Variants in ARHGEF9 observed in about 807,000 individuals in gnomAD.
ARHGEF9 encodes the protein rho guanine nucleotide exchange factor 9.
In ARHGEF9, 2 loss-of-function variants were observed where a neutral mutation model predicts 41.3. The observed-to-expected ratio is 0.05, with a 90% CI of 0.02 to 0.15. The LOEUF is 0.15. Among genes scored for constraint, ARHGEF9 ranks in the 10% least tolerant of loss-of-function variants. The pLI is 1.00. For missense variants in ARHGEF9, 225 were observed against 424.7 expected, an observed-to-expected ratio of 0.53 and a Z score of 4.13; for synonymous variants, 160 against 154.4, an observed-to-expected ratio of 1.04 and a Z score of -0.27.
At chrX:63,778,436 T>G (rs1569507659) in intron 1 of ARHGEF9, among the ~76,000 whole-genome samples, 1 of 112,361 alleles carries the variant, frequency 8.9e-6, no homozygotes, top group Non-Finnish European at 1.9e-5. Flanking sequence ...ACCTCTGACA[T>G]GCCCTGAAGA....
At position 63,757,822 on chromosome X, in the gene ARHGEF9, A is replaced by T. The variant is rs7892075; in HGVS notation, c.30+27294T>A. Reference sequence around the variant, plus strand: ...AGATACTCTGGATTGGTTTTTAAGGATCCACTCCTTCTAGCCTGCCTTCCT... The same window carrying T: ...AGATACTCTGGATTGGTTTTTAAGGTTCCACTCCTTCTAGCCTGCCTTCCT... On this transcript the variant is annotated intron_variant, in intron 1 of 9. Coordinates refer to ENST00000671741, the MANE Select transcript of ARHGEF9 (RefSeq NM_001353921.2). Among the ~76,000 whole-genome samples, 323 of 112,358 alleles carry T rather than the reference A, an allele frequency of 2.9e-3. 1 individual carries two copies. Among genetic ancestry groups the T allele is most frequent in the African/African-American group, 0.01 (315 of 30,875 alleles).
intron 4 of ARHGEF9, among the ~76,000 whole-genome samples, chrX:63,686,875 A>T (rs2051016827): frequency 9.0e-6 from 1 of 111,058 alleles, no homozygotes; most frequent in Non-Finnish European, 1.9e-5. Context: ...GCTGCCAGGC[A>T]CTGTGTAGAA....
chrX:63,766,961 A>C (rs185617497), intron 1 of ARHGEF9: 35 of 519,358 alleles, frequency 6.7e-5, no homozygotes, highest in Admixed American at 6.4e-4. Flanking sequence ...TTCATAAAAC[A>C]GCCACAGCAG....
In ARHGEF9 at chrX:63,636,380, C is replaced by T. The variant is rs1325809499; in HGVS notation, c.*1648G>A. 1 of 111,868 alleles carries T rather than the reference C, an allele frequency of 8.9e-6. No individual in the cohort carries two copies. The highest frequency in any genetic ancestry group is 1.9e-5 in the Non-Finnish European group (1 of 53,413). 9.2% of individuals were successfully genotyped at this position (111,868 alleles called of 1,213,427 possible). ...ATGTGTGGAGGAAAAACAGGTACTC[C>T]AACATCCATAGGAAGCCTGCCTCCT... On this transcript the variant is annotated 3_prime_UTR_variant, in exon 10 of 10. Coordinates refer to ENST00000671741, the MANE Select transcript of ARHGEF9 (RefSeq NM_001353921.2).
At chrX:63,668,114 AG>A (rs1429063933) in intron 6 of ARHGEF9, among the ~76,000 whole-genome samples, 1 of 111,036 alleles carries the variant, frequency 9.0e-6, no homozygotes, top group Admixed American at 9.6e-5. Context: ...TCCACCAGCC[AG>A]GGGCATCTCA....
intron 1 of ARHGEF9, chrX:63,767,215 T>C: frequency 1.7e-6 from 1 of 600,317 alleles, no homozygotes; most frequent in Non-Finnish European, 2.8e-6. Context: ...GGAGACTGGC[T>C]GAAGCTCTGC....
intron 7 of ARHGEF9, among the ~76,000 whole-genome samples, chrX:63,663,713 G>T (rs1556344233): frequency 9.0e-6 from 1 of 111,559 alleles, no homozygotes; most frequent in African/African-American, 3.3e-5. Flanking sequence ...AATGGCAAAA[G>T]GTCCCTAAAC....
intron 1 of ARHGEF9, among the ~76,000 whole-genome samples, chrX:63,728,902 G>A (rs1287574527): frequency 8.9e-6 from 1 of 111,755 alleles, no homozygotes; most frequent in East Asian, 2.8e-4. Context: ...ATTAAGCCAA[G>A]TCTCAGAGAA....
chrX:63,762,130 G>A (rs1490135164), intron 1 of ARHGEF9, among the ~76,000 whole-genome samples: 1 of 111,501 alleles, frequency 9.0e-6, no homozygotes, highest in Non-Finnish European at 1.9e-5. Flanking sequence ...CCACTCCTGA[G>A]CCTCATAACT....
chrX:63,647,263 C>G (rs781954941), intron 8 of ARHGEF9, among the ~76,000 whole-genome samples: 93 of 111,887 alleles, frequency 8.3e-4, no homozygotes, highest in Non-Finnish European at 1.3e-3. Flanking sequence ...ACTTCCAACA[C>G]TATGTTGAAT....
At chrX:63,681,712 AG>A (rs2050635704) in intron 4 of ARHGEF9, among the ~76,000 whole-genome samples, 1 of 111,655 alleles carries the variant, frequency 9.0e-6, no homozygotes, top group Non-Finnish European at 1.9e-5. Flanking sequence ...AGATAGCAGA[AG>A]GAAAAAAATA....
intron 1 of ARHGEF9, among the ~76,000 whole-genome samples, chrX:63,750,112 G>A (rs1239668885): frequency 8.9e-6 from 1 of 112,224 alleles, no homozygotes; most frequent in African/African-American, 3.2e-5. Flanking sequence ...GGTCTTCTGA[G>A]GAGGCAGTTA....
intron 7 of ARHGEF9, among the ~76,000 whole-genome samples, chrX:63,659,093 C>T (rs782384190): frequency 8.9e-6 from 1 of 112,688 alleles, no homozygotes; most frequent in African/African-American, 3.2e-5. Flanking sequence ...CCATGCTGCT[C>T]ACAGCTTTTA....
chrX:63,783,256 T>A (rs1356040839), intron 1 of ARHGEF9, among the ~76,000 whole-genome samples: 1 of 109,394 alleles, frequency 9.1e-6, no homozygotes, highest in Non-Finnish European at 1.9e-5. Context: ...AGGACTGGCA[T>A]GGATTTTTTT....
intron 2 of ARHGEF9, among the ~76,000 whole-genome samples, chrX:63,707,748 G>A (rs1335725149): frequency 9.0e-6 from 1 of 111,455 alleles, no homozygotes; most frequent in Admixed American, 9.5e-5. Context: ...GTAATCACTC[G>A]GGGGGAAGAG....
intron 1 of ARHGEF9, among the ~76,000 whole-genome samples, chrX:63,762,145 C>T (rs1250339427): frequency 9.0e-6 from 1 of 111,545 alleles, no homozygotes; most frequent in Non-Finnish European, 1.9e-5. Context: ...ATAACTCATT[C>T]AGTCAGCTAA....
At chrX:63,767,898 T>A (rs1435519168) in intron 1 of ARHGEF9, among the ~76,000 whole-genome samples, 2 of 111,900 alleles carry the variant, frequency 1.8e-5, no homozygotes, top group East Asian at 5.6e-4. Context: ...GAGAAGATAT[T>A]CCCCCTCTTC....
chrX:63,762,010 G>A (rs1184696466), intron 1 of ARHGEF9, among the ~76,000 whole-genome samples: 51 of 111,500 alleles, frequency 4.6e-4, no homozygotes, highest in African/African-American at 1.7e-3. Context: ...GATCTTTCTG[G>A]GGTAGCTAAA....
At chrX:63,784,046 A>G (rs1479369848) in intron 1 of ARHGEF9, among the ~76,000 whole-genome samples, 1 of 112,058 alleles carries the variant, frequency 8.9e-6, no homozygotes, top group Non-Finnish European at 1.9e-5. Context: ...CTCCACAATG[A>G]AAGCAAAAAT....
Sources: gnomAD v4.1 joint callset for allele counts (sites outside exome capture counted in the v4.1 genomes callset) on GRCh38, gnomAD v4.1.1 for gene constraint, MANE v1.5 for transcripts, NCBI Gene and HGNC (gene_info 2026-07-23, HGNC 2026-07-21) for gene names.